BNC2: variants seen among roughly 807,000 people sequenced by gnomAD.
BNC2 encodes basonuclin zinc finger protein 2.
In BNC2, 20 loss-of-function variants were observed where a neutral mutation model predicts 76.3. The ratio of observed to expected loss-of-function variants is 0.26; its 90% CI spans 0.18 to 0.38. BNC2 has a LOEUF of 0.38. BNC2 is among the 10% of genes least tolerant of loss of function. The pLI is 1.00. For missense variants in BNC2, 1,382 were observed against 1,399.8 expected, an observed-to-expected ratio of 0.99 and a Z score of 0.20; for synonymous variants, 582 against 514.8, an observed-to-expected ratio of 1.13 and a Z score of -1.77.
At chr9:16,763,961 G>A (rs920356746) in intron 1 of BNC2, among the ~76,000 whole-genome samples, 57 of 152,118 alleles carry the variant, frequency 3.7e-4, no homozygotes, top group African/African-American at 1.4e-3. Flanking sequence ...CAAGTGGGGG[G>A]AAAACTAATC....
intron 3 of BNC2, among the ~76,000 whole-genome samples, chr9:16,601,561 G>A (rs1388155945): frequency 6.6e-6 from 1 of 152,198 alleles, no homozygotes; most frequent in Non-Finnish European, 1.5e-5. Flanking sequence ...GAGCTTCTCA[G>A]AGGGAGCTGA....
intron 6 of BNC2, among the ~76,000 whole-genome samples, chr9:16,433,643 CATAA>C (rs1324071504): frequency 2.0e-5 from 3 of 152,196 alleles, no homozygotes; most frequent in Non-Finnish European, 2.9e-5. Flanking sequence ...TGTGTTAAGA[CATAA>C]ATATACAAGC....
chr9:16,681,526 G>A (rs967214405), intron 3 of BNC2, among the ~76,000 whole-genome samples: 2 of 152,074 alleles, frequency 1.3e-5, no homozygotes, highest in Non-Finnish European at 2.9e-5. Flanking sequence ...AAAGAGAACT[G>A]CAGGAAACTT....
chr9:16,549,565 A>G (rs1429411469), intron 5 of BNC2, among the ~76,000 whole-genome samples: 1 of 152,214 alleles, frequency 6.6e-6, no homozygotes, highest in African/African-American at 2.4e-5. Flanking sequence ...AACGCCATAT[A>G]CAATTATATT....
intron 3 of BNC2, among the ~76,000 whole-genome samples, chr9:16,657,040 A>G (rs1351593021): frequency 2.0e-5 from 3 of 152,174 alleles, no homozygotes; most frequent in African/African-American, 7.2e-5. Context: ...GTAGACACTA[A>G]AAATTTAGCT....
In BNC2 at chr9:16,804,257, G is replaced by A. The variant is rs535940004; in HGVS notation, c.4-65772C>T. On this transcript the variant is annotated intron_variant, in intron 1 of 6. Coordinates refer to ENST00000380672, the MANE Select transcript of BNC2 (RefSeq NM_017637.6). ...GCACAATGATTAAACACTCATTATC[G>A]GCTAACTGTTCTAAATATTTCACAT... Among the ~76,000 whole-genome samples, 9 of 152,142 alleles carry A rather than the reference G, an allele frequency of 5.9e-5. No individual in the cohort carries two copies. In the South Asian group the frequency reaches 1.0e-3, roughly 18 times the overall value.
At chr9:16,606,548 A>T (rs12338032) in intron 3 of BNC2, among the ~76,000 whole-genome samples, 1 of 150,456 alleles carries the variant, frequency 6.6e-6, no homozygotes, top group African/African-American at 2.4e-5. Context: ...TTTTGTGGGT[A>T]GGGGGACGGA....
At chr9:16,768,396 C>T (rs1331423715) in intron 1 of BNC2, among the ~76,000 whole-genome samples, 2 of 151,930 alleles carry the variant, frequency 1.3e-5, no homozygotes, top group Non-Finnish European at 2.9e-5. Flanking sequence ...GGTGAGAAAA[C>T]GGGAGTGTTA....
At chr9:16,668,766 A>T (rs1822380788) in intron 3 of BNC2, among the ~76,000 whole-genome samples, 1 of 152,194 alleles carries the variant, frequency 6.6e-6, no homozygotes, top group African/African-American at 2.4e-5. Flanking sequence ...AATCTCTTTG[A>T]CTTTCTCTTG....
chr9:16,451,300 G>C (rs966242085), intron 5 of BNC2, among the ~76,000 whole-genome samples: 3 of 151,982 alleles, frequency 2.0e-5, no homozygotes, highest in African/African-American at 7.2e-5. Context: ...AAGGTACCTG[G>C]GTATAAGTTA....
At chr9:16,426,468 A>C (rs944082918) in intron 6 of BNC2, among the ~76,000 whole-genome samples, 2 of 152,008 alleles carry the variant, frequency 1.3e-5, no homozygotes, top group Non-Finnish European at 2.9e-5. Flanking sequence ...CCCAGCCTAA[A>C]ATGGTTAATT....
intron 1 of BNC2, among the ~76,000 whole-genome samples, chr9:16,836,517 G>GAAAAAAAAAAAAAAAA (rs34325739): frequency 8.1e-6 from 1 of 123,038 alleles, no homozygotes; most frequent in Non-Finnish European, 1.8e-5. Flanking sequence ...CCTTTCAGGA[G>GAAAAAAAAAAAAAAAA]AAAAAAAAAA....
chr9:16,857,682 CTAAT>C (rs764900601), intron 1 of BNC2, among the ~76,000 whole-genome samples: 7 of 152,052 alleles, frequency 4.6e-5, no homozygotes, highest in Non-Finnish European at 8.8e-5. Flanking sequence ...AGTTACATAT[CTAAT>C]TAATAGTTGA....
chr9:16,489,763 G>A (rs1460950841), intron 5 of BNC2, among the ~76,000 whole-genome samples: 4 of 152,088 alleles, frequency 2.6e-5, no homozygotes, highest in South Asian at 2.1e-4. Flanking sequence ...GTTACATAAC[G>A]GGGGCTAAAA....
intron 1 of BNC2, among the ~76,000 whole-genome samples, chr9:16,787,508 C>T (rs57833590): frequency 0.022 from 3,384 of 152,250 alleles, 120 homozygotes; most frequent in African/African-American, 0.077. Flanking sequence ...CCTCAATTTC[C>T]TCACTTGTAA....
At chr9:16,744,154 A>G (rs1406846915) in intron 1 of BNC2, among the ~76,000 whole-genome samples, 1 of 152,016 alleles carries the variant, frequency 6.6e-6, no homozygotes, top group East Asian at 1.9e-4. Context: ...TATTTTTAGT[A>G]GAGACGGGTT....
intron 5 of BNC2, among the ~76,000 whole-genome samples, chr9:16,506,596 G>T (rs1415575568): frequency 7.8e-6 from 1 of 128,604 alleles, no homozygotes; most frequent in Non-Finnish European, 1.6e-5. Flanking sequence ...TGCAATCTCA[G>T]CTCACTGCAA....
chr9:16,673,443 AAC>A (rs1174254021), intron 3 of BNC2, among the ~76,000 whole-genome samples: 13,122 of 145,478 alleles, frequency 0.09, 698 homozygotes, highest in South Asian at 0.19. Flanking sequence ...AAAAAAAAAA[AAC>A]ACACACACAC....
At chr9:16,475,469 C>CTAAT (rs147443539) in intron 5 of BNC2, among the ~76,000 whole-genome samples, 16,839 of 152,140 alleles carry the variant, frequency 0.11, 1,236 homozygotes, top group African/African-American at 0.21. Flanking sequence ...AAACCATTAG[C>CTAAT]ATTACGCTAC....
Sources: gnomAD v4.1 joint callset for allele counts (sites outside exome capture counted in the v4.1 genomes callset) on GRCh38, gnomAD v4.1.1 for gene constraint, MANE v1.5 for transcripts, NCBI Gene and HGNC (gene_info 2026-07-23, HGNC 2026-07-21) for gene names.